SDK2: variants seen among roughly 807,000 people sequenced by gnomAD.
The protein encoded by SDK2 is sidekick cell adhesion molecule 2.
A neutral mutation model predicts 253.9 loss-of-function variants in SDK2; 105 were observed. The ratio of observed to expected loss-of-function variants is 0.41; its 90% CI spans 0.35 to 0.49. The LOEUF (loss-of-function observed/expected upper bound fraction) is 0.49, where lower values mean the gene tolerates loss of function less well. SDK2 is among the 20% of genes least tolerant of loss of function. The probability of loss-of-function intolerance (pLI) is 0.06; values close to 1 mark genes in which losing one functional copy is unlikely to be tolerated. For synonymous variants in SDK2, 1,249 were observed against 1,234.9 expected, an observed-to-expected ratio of 1.01 and a Z score of -0.24; for missense variants, 2,608 against 3,003.0, an observed-to-expected ratio of 0.87 and a Z score of 3.07.
chr17:73,404,630 CCT>C (rs552632282), intron 18 of SDK2, among the ~76,000 whole-genome samples: 346 of 152,290 alleles, frequency 2.3e-3, no homozygotes, highest in African/African-American at 7.8e-3. Context: ...TTCATGATGA[CCT>C]CTGTCTCTCA....
intron 1 of SDK2, among the ~76,000 whole-genome samples, chr17:73,531,983 C>T (rs2064172437): frequency 6.6e-6 from 1 of 152,176 alleles, no homozygotes; most frequent in East Asian, 1.9e-4. Context: ...CTTCTAATCT[C>T]CATCGTGGTG....
chr17:73,359,299 T>G (rs2062620929), intron 39 of SDK2, among the ~76,000 whole-genome samples: 2 of 149,814 alleles, frequency 1.3e-5, no homozygotes, highest in African/African-American at 4.9e-5. Flanking sequence ...ACCCGGCCAC[T>G]ATGCCCACCC....
intron 36 of SDK2, 68 bp from the exon 37 acceptor site, chr17:73,368,661 A>C: frequency 7.5e-7 from 1 of 1,326,598 alleles, no homozygotes; most frequent in Non-Finnish European, 1.0e-6. Flanking sequence ...GTCCCTGCTG[A>C]CCTGTAGTCT....
At chr17:73,355,213 G>C (rs1256731959) in intron 40 of SDK2, among the ~76,000 whole-genome samples, 1 of 78,750 alleles carries the variant, frequency 1.3e-5, no homozygotes, top group African/African-American at 7.1e-5. Context: ...GTCTCACTCT[G>C]TCGCCCAGGC....
At chr17:73,538,821 G>A (rs923194942) in intron 1 of SDK2, among the ~76,000 whole-genome samples, 1 of 152,206 alleles carries the variant, frequency 6.6e-6, no homozygotes, top group Non-Finnish European at 1.5e-5. Flanking sequence ...CTTGGCCTCA[G>A]TGTCAGCACT....
chr17:73,381,233 A>T (rs757497672), intron 33 of SDK2, among the ~76,000 whole-genome samples: 2 of 152,122 alleles, frequency 1.3e-5, no homozygotes, highest in African/African-American at 2.4e-5. Context: ...CTCTAGGGAC[A>T]TCTCTGGGGG....
intron 2 of SDK2, among the ~76,000 whole-genome samples, chr17:73,499,110 C>T (rs968833276): frequency 5.3e-5 from 8 of 152,268 alleles, no homozygotes; most frequent in Non-Finnish European, 1.2e-4. Flanking sequence ...TGGCCTCTGC[C>T]TCCCCATCTC....
At chr17:73,479,518 A>T (rs1232583661) in intron 2 of SDK2, among the ~76,000 whole-genome samples, 13 of 152,224 alleles carry the variant, frequency 8.5e-5, no homozygotes, top group Non-Finnish European at 5.9e-5. Context: ...ATCGGGCAAA[A>T]CTCTGTCCAG....
chr17:73,559,453 G>C (rs796724010), intron 1 of SDK2, among the ~76,000 whole-genome samples: 1 of 152,094 alleles, frequency 6.6e-6, no homozygotes, highest in African/African-American at 2.4e-5. Flanking sequence ...TTCTTTTTGC[G>C]GGCTCTTGAG....
At chr17:73,620,198 C>CAAA (rs111772920) in intron 1 of SDK2, among the ~76,000 whole-genome samples, 5 of 122,090 alleles carry the variant, frequency 4.1e-5, no homozygotes, top group South Asian at 5.5e-4. Flanking sequence ...GATCCTGTCT[C>CAAA]AAAAAAAAAA....
At chr17:73,478,321 T>G (rs1269990781) in intron 2 of SDK2, among the ~76,000 whole-genome samples, 1 of 151,896 alleles carries the variant, frequency 6.6e-6, no homozygotes, top group Admixed American at 6.6e-5. Flanking sequence ...AGCTGCAGAG[T>G]ATTGAGGAAT....
At position 73,549,697 on chromosome 17, in the gene SDK2, C is replaced by T. The variant is rs925606763; in HGVS notation, c.65-42100G>A. Reference sequence around the variant, plus strand: ...CGAGGTGAACACACAAACAGCAACCCGGTCAGACAGAATGCGGCAGGTCCC... The same window carrying T: ...CGAGGTGAACACACAAACAGCAACCTGGTCAGACAGAATGCGGCAGGTCCC... On this transcript the variant is annotated intron_variant, in intron 1 of 44. Transcript: ENST00000392650. Among the ~76,000 whole-genome samples, 30 of 151,946 alleles carry T rather than the reference C, an allele frequency of 2.0e-4. 1 individual carries two copies. The highest frequency in any genetic ancestry group is 1.4e-3 in the Admixed American group (22 of 15,246).
At chr17:73,422,624 C>T (rs550171901) in intron 14 of SDK2, among the ~76,000 whole-genome samples, 190 bp from the exon 15 acceptor site, 4 of 152,142 alleles carry the variant, frequency 2.6e-5, no homozygotes, top group South Asian at 2.1e-4. Context: ...GGGGAGGAGA[C>T]GGTGGAGGGT....
intron 3 of SDK2, among the ~76,000 whole-genome samples, chr17:73,464,936 CGT>C (rs2063587099): frequency 6.6e-6 from 1 of 152,152 alleles, no homozygotes; most frequent in South Asian, 2.1e-4. Context: ...AGGGCAGAGA[CGT>C]GTGTCTTGGT....
At chr17:73,498,517 C>A (rs1278015580) in intron 2 of SDK2, among the ~76,000 whole-genome samples, 1 of 152,200 alleles carries the variant, frequency 6.6e-6, no homozygotes, top group Admixed American at 6.5e-5. Context: ...GGCCCCCAGT[C>A]CTTGCCTGAT....
At chr17:73,515,305 G>C (rs564293874) in intron 1 of SDK2, among the ~76,000 whole-genome samples, 1 of 152,318 alleles carries the variant, frequency 6.6e-6, no homozygotes, top group Admixed American at 6.5e-5. Context: ...GGGGTGGTGA[G>C]AGGGACGGGG....
chr17:73,596,379 G>C (rs544970445), intron 1 of SDK2, among the ~76,000 whole-genome samples: 1 of 152,182 alleles, frequency 6.6e-6, no homozygotes, highest in Non-Finnish European at 1.5e-5. Context: ...GCATGACACG[G>C]TATGAACATT....
chr17:73,411,474 C>A (rs575314580), intron 18 of SDK2, among the ~76,000 whole-genome samples: 1 of 152,058 alleles, frequency 6.6e-6, no homozygotes. Context: ...CAGTGCTCTC[C>A]GCTTCACAGC....
chr17:73,565,876 T>C (rs1384439308), intron 1 of SDK2, among the ~76,000 whole-genome samples: 1 of 152,242 alleles, frequency 6.6e-6, no homozygotes, highest in South Asian at 2.1e-4. Context: ...CAGGCTGTAG[T>C]GCAATAGCGC....
Sources: gnomAD v4.1 joint callset for allele counts (sites outside exome capture counted in the v4.1 genomes callset) on GRCh38, gnomAD v4.1.1 for gene constraint, MANE v1.5 for transcripts, NCBI Gene and HGNC (gene_info 2026-07-23, HGNC 2026-07-21) for gene names.